PRKCZ: variants seen among roughly 807,000 people sequenced by gnomAD.
PRKCZ encodes the protein protein kinase C zeta, also known as protein kinase C zeta type.
A neutral mutation model predicts 79.5 loss-of-function variants in PRKCZ; 33 were observed. The observed-to-expected ratio is 0.41, with a 90% confidence interval of 0.31 to 0.55. The LOEUF (loss-of-function observed/expected upper bound fraction) is 0.55, where lower values mean the gene tolerates loss of function less well. PRKCZ is among the 20% of genes least tolerant of loss of function. The probability of loss-of-function intolerance (pLI) is 0.19; values close to 1 mark genes in which losing one functional copy is unlikely to be tolerated. For synonymous variants in PRKCZ, 342 were observed against 320.9 expected (o/e 1.07, Z -0.70); for missense variants, 578 against 813.5 (o/e 0.71, Z 3.52).
At position 2,127,094 on chromosome 1, in the gene PRKCZ, A is replaced by G. The variant is rs1173270370; in HGVS notation, c.335-8168A>G. Among the ~76,000 whole-genome samples the G allele has an allele frequency of 2.6e-5, 4 of 152,080 alleles. No individual in the cohort carries two copies. The highest frequency in any genetic ancestry group is 2.6e-4 in the Admixed American group (4 of 15,274). On this transcript the variant is annotated intron_variant, in intron 4 of 17. Coordinates refer to ENST00000378567, the MANE Select transcript of PRKCZ (RefSeq NM_002744.6). This position sits in a 1 kb window ranked among gnomAD's most constrained non-coding sequence, Gnocchi z 5.1. ...CTCTTCTGTGCCGTGTGGTTGCACT[A>G]AGCAGCTGTGGGGAAGGGGGAGGTT...
intron 3 of PRKCZ, 36 bp from the exon 4 acceptor site, chr1:2,059,505 G>A: frequency 6.2e-7 from 1 of 1,612,878 alleles, no homozygotes; most frequent in Non-Finnish European, 8.5e-7. Context: ...GGCAGCCGCA[G>A]GGTCTTGACG....
chr1:2,080,998 A>G (rs1267818512), intron 4 of PRKCZ, among the ~76,000 whole-genome samples: 3 of 152,134 alleles, frequency 2.0e-5, no homozygotes, highest in Non-Finnish European at 4.4e-5. Context: ...CCCTCCACGC[A>G]GCCTGTCCGT....
chr1:2,086,055 CTTT>C (rs34459015), intron 4 of PRKCZ, among the ~76,000 whole-genome samples: 39 of 137,320 alleles, frequency 2.8e-4, no homozygotes, highest in African/African-American at 5.2e-4. Context: ...TATTATCATC[CTTT>C]TTTTTTTTTT....
At chr1:2,077,421 GCTT>G (rs1332991054) in intron 4 of PRKCZ, among the ~76,000 whole-genome samples, 1 of 152,156 alleles carries the variant, frequency 6.6e-6, no homozygotes, top group Non-Finnish European at 1.5e-5. Context: ...GGCCCAGATG[GCTT>G]CTTCTGTTTG....
At chr1:2,136,057 C>G (rs1202073585) in intron 5 of PRKCZ, among the ~76,000 whole-genome samples, 3 of 152,104 alleles carry the variant, frequency 2.0e-5, no homozygotes, top group African/African-American at 7.2e-5. Flanking sequence ...CCTGACAGCC[C>G]CTCACAGGAG....
At chr1:2,184,802 C>T (rs971961974) in intron 17 of PRKCZ, 104 bp downstream of exon 17, 20 of 1,377,750 alleles carry the variant, frequency 1.5e-5, no homozygotes, top group African/African-American at 8.6e-5. Context: ...GAGTCCCACC[C>T]GCCTGGTGTC....
chr1:2,158,910 A>G (rs1279890006), intron 10 of PRKCZ, among the ~76,000 whole-genome samples: 1 of 150,674 alleles, frequency 6.6e-6, no homozygotes, highest in Non-Finnish European at 1.5e-5. Flanking sequence ...AATAATTCCT[A>G]TGCATGTCTG....
chr1:2,076,994 T>C (rs1452260350), intron 4 of PRKCZ, among the ~76,000 whole-genome samples: 1 of 152,314 alleles, frequency 6.6e-6, no homozygotes, highest in African/African-American at 2.4e-5. Flanking sequence ...GAACCAGTGA[T>C]TCCACCGTTG....
At chr1:2,120,490 A>G (rs1390845000) in intron 4 of PRKCZ, among the ~76,000 whole-genome samples, 2 of 151,466 alleles carry the variant, frequency 1.3e-5, no homozygotes, top group African/African-American at 4.8e-5. Flanking sequence ...TATAGGAGAG[A>G]CAGGGTTTCA....
chr1:2,123,891 C>T (rs1198076301), intron 4 of PRKCZ, among the ~76,000 whole-genome samples: 1 of 2,450 alleles, frequency 4.1e-4, no homozygotes, highest in African/African-American at 3.6e-3. Context: ...GTCACGGCGG[C>T]GGTTAGGGTC....
intron 9 of PRKCZ, among the ~76,000 whole-genome samples, chr1:2,153,758 G>T (rs1680369985): frequency 6.6e-6 from 1 of 152,340 alleles, no homozygotes; most frequent in East Asian, 1.9e-4. Context: ...TCGCTGCTGC[G>T]GTTTTGTTCT....
rs35722361 is a variant in PRKCZ at position 2,058,306 on chromosome 1, ATT to A, written c.284-1213_284-1212del. Among the ~76,000 whole-genome samples, 1,000 of 125,316 alleles carry A rather than the reference ATT, an allele frequency of 8.0e-3. 7 individuals are homozygous for A. The highest frequency in any genetic ancestry group is 0.029 in the African/African-American group (920 of 31,420). The allele number at this position is 125,316 out of a possible 152,430, so 82.2% of individuals were successfully genotyped here. ...GCGTGAGCCACGGTGCCCGGCCCCA[ATT>A]TTTTTTTTTTTTTTTTTTTTTGATA... On this transcript the variant is annotated intron_variant, in intron 3 of 17. Coordinates refer to ENST00000378567, the MANE Select transcript of PRKCZ (RefSeq NM_002744.6).
At chr1:2,121,688 G>A (rs1224938002) in intron 4 of PRKCZ, among the ~76,000 whole-genome samples, 1 of 79,118 alleles carries the variant, frequency 1.3e-5, no homozygotes, top group African/African-American at 4.2e-5. Flanking sequence ...TTAGGGTCAC[G>A]GTGGTGGTTA....
In PRKCZ at chr1:2,174,361, C is replaced by T. The variant is rs904472042; in HGVS notation, c.1405+345C>T. 2.6e-5 allele frequency among the ~76,000 whole-genome samples: 4 copies of T among 152,238 alleles called. No homozygotes were observed. Among genetic ancestry groups the T allele is most frequent in the Non-Finnish European group, 4.4e-5 (3 of 68,044 alleles). On this transcript the variant is annotated intron_variant, in intron 14 of 17. Coordinates refer to ENST00000378567, the MANE Select transcript of PRKCZ (RefSeq NM_002744.6). The surrounding 1 kb of genome is among the most constrained non-coding windows in gnomAD (Gnocchi z 6.2). ...CACCCCCAAAACCCACAGCCACCAT[C>T]ATGGGCTCCTTCCCACCTGGAGGCC...
rs757627868 is a variant in PRKCZ, at chr1:2,174,042, C to T, written c.1405+26C>T. The T allele has an allele frequency of 1.3e-6, 2 of 1,567,738 alleles. No homozygotes were observed. Among genetic ancestry groups the T allele is most frequent in the Non-Finnish European group, 1.7e-6 (2 of 1,151,834 alleles). On this transcript the variant is annotated intron_variant, in intron 14 of 17. Coordinates refer to ENST00000378567, the MANE Select transcript of PRKCZ (RefSeq NM_002744.6). This position sits in a 1 kb window ranked among gnomAD's most constrained non-coding sequence, Gnocchi z 6.2. ...GTGCGTGCCCCGCTGTGCGTTCGTA[C>T]CCCTCACCTGCACGACTGTCTTCCT...
At chr1:2,148,609 G>T (rs763369991) in intron 7 of PRKCZ, among the ~76,000 whole-genome samples, 1 of 152,176 alleles carries the variant, frequency 6.6e-6, no homozygotes. Flanking sequence ...CCAAAATCCG[G>T]TGACGAATTA....
At chr1:2,055,302 GGGA>G in intron 1 of PRKCZ, 136 bp from the exon 2 acceptor site, 2 of 1,053,216 alleles carry the variant, frequency 1.9e-6, no homozygotes, top group Non-Finnish European at 2.6e-6. Context: ...TGTGGGAGGG[GGGA>G]GGGGGTGGGG....
intron 9 of PRKCZ, among the ~76,000 whole-genome samples, chr1:2,153,080 C>G (rs1487606654): frequency 6.6e-6 from 1 of 152,212 alleles, no homozygotes; most frequent in Non-Finnish European, 1.5e-5. Context: ...CACGCAGCCG[C>G]GCCGTTTCAC....
At chr1:2,171,922 A>G in intron 11 of PRKCZ, 133 bp from the exon 12 acceptor site, 1 of 1,182,058 alleles carries the variant, frequency 8.5e-7, no homozygotes, top group African/African-American at 1.5e-5. Flanking sequence ...TGCACTTTCA[A>G]ATCCTGGGCC....
Sources: gnomAD v4.1 joint callset for allele counts (sites outside exome capture counted in the v4.1 genomes callset) on GRCh38, gnomAD v4.1.1 for gene constraint, Gnocchi (gnomAD v3.1) non-coding constraint, MANE v1.5 for transcripts, NCBI Gene and HGNC (gene_info 2026-07-23, HGNC 2026-07-21) for gene names.